FGF13: variants seen among roughly 807,000 people sequenced by gnomAD.
FGF13 encodes the protein fibroblast growth factor 13.
Under a neutral mutation model 19.5 loss-of-function variants are expected in FGF13, and 2 were observed. The ratio of observed to expected loss-of-function variants is 0.10; its 90% confidence interval spans 0.04 to 0.32. The LOEUF (loss-of-function observed/expected upper bound fraction) is 0.32. Ranked by LOEUF, FGF13 falls within the 10% of genes least tolerant of loss-of-function variation. The pLI is 1.00. For synonymous variants in FGF13, 72 were observed against 76.9 expected (o/e 0.94, Z 0.33); for missense variants, 113 against 192.7 (o/e 0.59, Z 2.45).
chrX:138,722,394 G>A (rs770226795), intron 1 of FGF13, among the ~76,000 whole-genome samples: 1 of 111,654 alleles, frequency 9.0e-6, no homozygotes, highest in Non-Finnish European at 1.9e-5. Context: ...TATCCTGCTT[G>A]GATTAGAAGC....
chrX:138,763,068 C>T (rs140637444), intron 3 of FGF13, among the ~76,000 whole-genome samples: 3 of 110,787 alleles, frequency 2.7e-5, no homozygotes, highest in Non-Finnish European at 5.7e-5. Context: ...AATGGAGACA[C>T]CTGCTTAGCT....
chrX:139,112,712 G>A (rs2083612215), intron 1 of FGF13, among the ~76,000 whole-genome samples: 1 of 111,849 alleles, frequency 8.9e-6, no homozygotes, highest in Non-Finnish European at 1.9e-5. Flanking sequence ...AATAATACCT[G>A]CCTTATAGGC....
At chrX:139,185,136 C>T (rs1163813335) in intron 1 of FGF13, among the ~76,000 whole-genome samples, 3 of 112,144 alleles carry the variant, frequency 2.7e-5, no homozygotes, top group African/African-American at 6.5e-5. Context: ...GTGCTGAGTA[C>T]ATAGTAATAC....
chrX:138,652,668 C>T (rs867798244), intron 3 of FGF13, among the ~76,000 whole-genome samples: 1 of 112,012 alleles, frequency 8.9e-6, no homozygotes, highest in East Asian at 2.8e-4. Context: ...CTGTTACGAA[C>T]TGCATTAAAA....
At chrX:138,821,139 A>C (rs913703360) in intron 3 of FGF13, among the ~76,000 whole-genome samples, 8 of 111,134 alleles carry the variant, frequency 7.2e-5, no homozygotes, top group Non-Finnish European at 1.3e-4. Context: ...TAGATAGGAG[A>C]ATGTGGTAAT....
At chrX:138,742,412 C>T (rs1420649273), upstream of FGF13, among the ~76,000 whole-genome samples, 1 of 111,302 alleles carries the variant, frequency 9.0e-6, no homozygotes, top group East Asian at 2.9e-4. Context: ...TGGTTTTAAT[C>T]CAGATAGTGT....
rs2124031858 is a variant in FGF13, at chrX:138,810,316, C to G, written c.217+47196G>C. Among the ~76,000 whole-genome samples, 8 of 111,325 alleles carry G rather than the reference C, an allele frequency of 7.2e-5. No homozygotes were observed. In the South Asian group the frequency reaches 3.0e-3, roughly 42 times the overall value. On this transcript the variant is annotated intron_variant, in intron 3 of 6. Transcript: ENST00000436198. ...ACATCTATAAGCATCTGATCTTTGACAAACCTGAGAAAAACAAGCAATGGG... is the reference window on the plus strand; with the variant it reads ...ACATCTATAAGCATCTGATCTTTGAGAAACCTGAGAAAAACAAGCAATGGG...
intron 1 of FGF13, among the ~76,000 whole-genome samples, chrX:139,147,569 G>A (rs2083900808): frequency 9.0e-6 from 1 of 111,623 alleles, no homozygotes; most frequent in African/African-American, 3.3e-5. Context: ...ATTTTCCTAG[G>A]GCTGCCATAA....
chrX:138,913,671 AGG>A (rs1216889152), intron 1 of FGF13, among the ~76,000 whole-genome samples: 310 of 102,847 alleles, frequency 3.0e-3, no homozygotes, highest in Non-Finnish European at 5.1e-3. Flanking sequence ...GAAGGAAGGA[AGG>A]AAGGAAGGAA....
rs2124084459 is a variant in FGF13 at position 138,629,954 on chromosome X, T to G, written c.*2896A>C. ...CTAGAGTCTTTTTTTCTTTCATCAGTTATGTGGCAGGACTAGTATTTTCTG... is the reference window on the plus strand; with the variant it reads ...CTAGAGTCTTTTTTTCTTTCATCAGGTATGTGGCAGGACTAGTATTTTCTG... On this transcript the variant is annotated 3_prime_UTR_variant, in exon 5 of 5. Coordinates refer to ENST00000315930, the MANE Select transcript of FGF13 (RefSeq NM_004114.5). 1 of 111,108 alleles carries G rather than the reference T, an allele frequency of 9.0e-6. No homozygotes were observed. The highest frequency in any genetic ancestry group is 2.8e-4 in the East Asian group (1 of 3,515). The allele number at this position is 111,108 out of a possible 1,213,427, so 9.2% of individuals were successfully genotyped here. A position where few individuals can be genotyped will look rare whatever the true frequency, so the allele number is the denominator to read the frequency against.
intron 1 of FGF13, among the ~76,000 whole-genome samples, chrX:138,935,824 G>C (rs1466000032): frequency 8.9e-6 from 1 of 111,737 alleles, no homozygotes; most frequent in African/African-American, 3.3e-5. Flanking sequence ...CATCATTATA[G>C]TTGGGTCTTT....
At chrX:138,685,156 G>A (rs1430311364) in intron 3 of FGF13, among the ~76,000 whole-genome samples, 3 of 111,165 alleles carry the variant, frequency 2.7e-5, no homozygotes, top group African/African-American at 9.8e-5. Flanking sequence ...TAAGTGGGAT[G>A]ACCACTAAAG....
intron 1 of FGF13, among the ~76,000 whole-genome samples, chrX:138,886,473 A>G (rs1005070978): frequency 1.8e-5 from 2 of 112,354 alleles, no homozygotes; most frequent in Admixed American, 9.4e-5. Flanking sequence ...TAACTGATTC[A>G]TTTCAATTGG....
chrX:138,951,318 G>C (rs964842521), intron 1 of FGF13, among the ~76,000 whole-genome samples: 1 of 111,679 alleles, frequency 9.0e-6, no homozygotes, highest in Non-Finnish European at 1.9e-5. Flanking sequence ...GTAGGCTCTC[G>C]AAGAAAACAA....
chrX:138,930,501 C>T (rs1010692741), intron 1 of FGF13, among the ~76,000 whole-genome samples: 1 of 111,695 alleles, frequency 9.0e-6, no homozygotes, highest in Non-Finnish European at 1.9e-5. Context: ...CCGGAGAAAT[C>T]GCAAAAATGA....
chrX:139,106,274 T>C (rs1293379774), intron 1 of FGF13, among the ~76,000 whole-genome samples: 1 of 112,570 alleles, frequency 8.9e-6, no homozygotes, highest in Non-Finnish European at 1.9e-5. Context: ...TGCTCATTTG[T>C]CAAATGACTC....
chrX:138,629,460 T>C lies in FGF13; in HGVS notation c.*3390A>G, dbSNP rs1029130716. On this transcript the variant is annotated 3_prime_UTR_variant, in exon 5 of 5. Coordinates refer to ENST00000315930, the MANE Select transcript of FGF13 (RefSeq NM_004114.5). Reference sequence around the variant, plus strand: ...GACCTGGTGGGAGGTGATTGGATCCTCGGGGCGGTTTCCCCATGCTGTCTC... The same window carrying C: ...GACCTGGTGGGAGGTGATTGGATCCCCGGGGCGGTTTCCCCATGCTGTCTC... The C allele has an allele frequency of 9.0e-5, 10 of 111,053 alleles. No homozygotes were observed. Among genetic ancestry groups the C allele is most frequent in the African/African-American group, 3.3e-4 (10 of 30,512 alleles). 9.2% of individuals were successfully genotyped at this position (111,053 alleles called of 1,213,427 possible).
chrX:138,972,233 T>TG (rs1287673800), intron 1 of FGF13, among the ~76,000 whole-genome samples: 1 of 96,412 alleles, frequency 1.0e-5, no homozygotes, highest in East Asian at 3.3e-4. Flanking sequence ...GTCATGGGAT[T>TG]GTTGGATCAT....
rs372566817 is a variant in FGF13, at chrX:138,806,667, G to C, written c.217+50845C>G. 4.5e-5 allele frequency: 5 copies of C among 112,288 alleles called. No homozygotes were observed. In the East Asian group the frequency reaches 8.5e-4, roughly 19 times the overall value. 9.3% of individuals were successfully genotyped at this position (112,288 alleles called of 1,213,427 possible). On this transcript the variant is annotated intron_variant, in intron 3 of 6. Coordinates refer to the FGF13 transcript ENST00000436198. ...CATTGAGCAGATAGAAGAGGAGCTT[G>C]ACTGGCACAGGTGCATCTGGCTGTA...
Sources: gnomAD v4.1 joint callset for allele counts (sites outside exome capture counted in the v4.1 genomes callset) on GRCh38, gnomAD v4.1.1 for gene constraint, MANE v1.5 for transcripts, NCBI Gene and HGNC (gene_info 2026-07-23, HGNC 2026-07-21) for gene names.